Variants in SATL1 observed in about 807,000 individuals in gnomAD.
The protein encoded by SATL1 is spermidine/spermine N(1)-acetyltransferase-like protein 1.
In SATL1, 47 loss-of-function variants were observed where a neutral mutation model predicts 51.8. The observed-to-expected ratio is 0.91, with a 90% CI of 0.72 to 1.16. The LOEUF is 1.16. Ranked by LOEUF, SATL1 falls within the 50% of genes most tolerant of loss-of-function variation. The probability of loss-of-function intolerance (pLI) is 0.00; values close to 1 mark genes in which losing one functional copy is unlikely to be tolerated. For missense variants in SATL1, 520 were observed against 526.4 expected, an observed-to-expected ratio of 0.99 and a Z score of 0.12; for synonymous variants, 176 against 182.4, an observed-to-expected ratio of 0.97 and a Z score of 0.28.
intron 2 of SATL1, among the ~76,000 whole-genome samples, chrX:85,173,534 T>C (rs1484979949): frequency 9.0e-6 from 1 of 110,686 alleles, no homozygotes; most frequent in Non-Finnish European, 1.9e-5. Flanking sequence ...TTTTCTAATA[T>C]ACATTTTTAA....
At chrX:85,150,905 C>G (rs1404785286) in intron 2 of SATL1, among the ~76,000 whole-genome samples, 1 of 110,376 alleles carries the variant, frequency 9.1e-6, no homozygotes, top group African/African-American at 3.3e-5. Context: ...AAAACTGGCA[C>G]AAGACAGGGA....
chrX:85,125,307 G>A (rs191680489), intron 2 of SATL1, among the ~76,000 whole-genome samples: 1 of 110,771 alleles, frequency 9.0e-6, no homozygotes, highest in East Asian at 2.9e-4. Flanking sequence ...GGAACCACAG[G>A]ATGGTATGAG....
At chrX:85,187,811 G>T (rs1217072798) in intron 2 of SATL1, among the ~76,000 whole-genome samples, 1 of 111,360 alleles carries the variant, frequency 9.0e-6, no homozygotes, top group East Asian at 2.8e-4. Context: ...TGTCTGGTTT[G>T]GTATCAGAGT....
chrX:85,130,695 A>T (rs754345414), intron 2 of SATL1, among the ~76,000 whole-genome samples: 32 of 110,513 alleles, frequency 2.9e-4, no homozygotes, highest in African/African-American at 1.1e-3. Context: ...CTAGCTTTTG[A>T]ATTTGTTTGC....
chrX:85,131,024 A>T (rs1219972695), intron 2 of SATL1, among the ~76,000 whole-genome samples: 1 of 111,884 alleles, frequency 8.9e-6, no homozygotes, highest in Non-Finnish European at 1.9e-5. Context: ...GTTTGTTGTG[A>T]TTCCTTTTCT....
chrX:85,166,486 A>C (rs1926838052), intron 2 of SATL1, among the ~76,000 whole-genome samples: 1 of 111,788 alleles, frequency 8.9e-6, no homozygotes, highest in African/African-American at 3.2e-5. Context: ...GACAGTTCTC[A>C]AAAGAAGATA....
intron 2 of SATL1, among the ~76,000 whole-genome samples, chrX:85,158,734 A>G (rs1351390031): frequency 8.9e-6 from 1 of 111,906 alleles, no homozygotes; most frequent in Non-Finnish European, 1.9e-5. Context: ...ACCAAGCCAT[A>G]TAATAGAAGC....
intron 2 of SATL1, among the ~76,000 whole-genome samples, chrX:85,140,960 G>C (rs1569235145): frequency 9.0e-6 from 1 of 111,465 alleles, no homozygotes; most frequent in Non-Finnish European, 1.9e-5. Flanking sequence ...GCAGTCCCAG[G>C]CTTGATTCAT....
chrX:85,092,377 T>C lies in SATL1; in HGVS notation c.*14A>G. ...TTGGAGGCTGTGTTGGGATGAGTTGTTACAAAGCCTCTTTCATTCTTCCCA... is the reference window on the plus strand; with the variant it reads ...TTGGAGGCTGTGTTGGGATGAGTTGCTACAAAGCCTCTTTCATTCTTCCCA... On this transcript the variant is annotated 3_prime_UTR_variant, in exon 8 of 8. Coordinates refer to ENST00000644105, the MANE Select transcript of SATL1 (RefSeq NM_001367857.2). 29 of 1,158,670 alleles carry C rather than the reference T, an allele frequency of 2.5e-5. No individual in the cohort carries two copies. The highest frequency in any genetic ancestry group is 3.1e-5 in the Non-Finnish European group (27 of 869,464).
chrX:85,155,895 T>A (rs1464328722), intron 2 of SATL1, among the ~76,000 whole-genome samples: 1 of 111,830 alleles, frequency 8.9e-6, no homozygotes, highest in Non-Finnish European at 1.9e-5. Context: ...TAATGTAATA[T>A]TTTTGTGAAA....
chrX:85,173,716 A>C (rs1337095505), intron 2 of SATL1, among the ~76,000 whole-genome samples: 1 of 110,544 alleles, frequency 9.0e-6, no homozygotes, highest in Non-Finnish European at 1.9e-5. Flanking sequence ...GTAAACATGC[A>C]TTTGATCTAT....
intron 2 of SATL1, among the ~76,000 whole-genome samples, chrX:85,196,100 G>C (rs900829813): frequency 9.2e-6 from 1 of 108,933 alleles, no homozygotes; most frequent in Non-Finnish European, 1.9e-5. Context: ...AATTGAGCCG[G>C]ATACAAGATC....
At chrX:85,169,502 C>T (rs1267209518) in intron 2 of SATL1, among the ~76,000 whole-genome samples, 1 of 110,997 alleles carries the variant, frequency 9.0e-6, no homozygotes, top group African/African-American at 3.3e-5. Context: ...ATACATGCAG[C>T]CAACAAAAAC....
At chrX:85,146,986 C>T (rs139472179) in intron 2 of SATL1, among the ~76,000 whole-genome samples, 9 of 112,594 alleles carry the variant, frequency 8.0e-5, no homozygotes, top group East Asian at 2.8e-4. Context: ...GTGGGTGCAG[C>T]GCACCGTGCG....
At chrX:85,161,216 A>T (rs1926711854) in intron 2 of SATL1, among the ~76,000 whole-genome samples, 1 of 111,764 alleles carries the variant, frequency 8.9e-6, no homozygotes, top group Non-Finnish European at 1.9e-5. Flanking sequence ...ACTGAAATAC[A>T]CAGACCAGTG....
rs1927359897 is a variant in SATL1 at position 85,188,367 on chromosome X, G to T, written c.-313+35838C>A. On this transcript the variant is annotated intron_variant, in intron 2 of 7. Coordinates refer to ENST00000644105, the MANE Select transcript of SATL1 (RefSeq NM_001367857.2). ...TAAAAAAGTTGGGAAGAGGTGTGTG[G>T]TGTGTATGTGTGTTAAGTTATGGTA... 1.8e-5 allele frequency among the ~76,000 whole-genome samples: 2 copies of T among 111,489 alleles called. 1 individual carries two copies. The highest frequency in any genetic ancestry group is 1.9e-4 in the Admixed American group (2 of 10,438).
chrX:85,172,884 T>C (rs981818657), intron 2 of SATL1, among the ~76,000 whole-genome samples: 2 of 111,265 alleles, frequency 1.8e-5, no homozygotes, highest in East Asian at 5.7e-4. Flanking sequence ...CTCTATAAGA[T>C]GGGCATCTAT....
At chrX:85,164,141 G>A (rs945026879) in intron 2 of SATL1, among the ~76,000 whole-genome samples, 1 of 111,605 alleles carries the variant, frequency 9.0e-6, no homozygotes, top group South Asian at 3.7e-4. Context: ...ATTTATGTGA[G>A]TCCTTATGTG....
intron 2 of SATL1, among the ~76,000 whole-genome samples, chrX:85,140,961 C>T (rs193227332): frequency 1.7e-4 from 19 of 111,721 alleles, no homozygotes; most frequent in Admixed American, 1.3e-3. Context: ...CAGTCCCAGG[C>T]TTGATTCATT....
Sources: gnomAD v4.1 joint callset for allele counts (sites outside exome capture counted in the v4.1 genomes callset) on GRCh38, gnomAD v4.1.1 for gene constraint, MANE v1.5 for transcripts, NCBI Gene and HGNC (gene_info 2026-07-23, HGNC 2026-07-21) for gene names.